The following CHMP3 variants were observed in gnomAD, a reference collection of about 807,000 sequenced individuals.
CHMP3 encodes the protein charged multivesicular body protein 3.
In CHMP3, 8 loss-of-function variants were observed where a neutral mutation model predicts 27.4. The observed-to-expected ratio is 0.29, with a 90% CI of 0.17 to 0.53. The LOEUF (loss-of-function observed/expected upper bound fraction) is 0.53. Ranked by LOEUF, CHMP3 falls within the 20% of genes least tolerant of loss-of-function variation. The pLI is 0.96. For missense variants in CHMP3, 208 were observed against 271.5 expected (o/e 0.77, Z 1.64); for synonymous variants, 86 against 85.5 (o/e 1.01, Z -0.03).
chr2:86,517,269 A>G (rs1428478230), intron 3 of CHMP3, among the ~76,000 whole-genome samples: 15 of 152,176 alleles, frequency 9.9e-5, no homozygotes, highest in Non-Finnish European at 4.4e-5. Context: ...CAAAATAACT[A>G]AAAAATTAGT....
At chr2:86,519,619 T>C (rs1169282951) in intron 3 of CHMP3, among the ~76,000 whole-genome samples, 1 of 152,154 alleles carries the variant, frequency 6.6e-6, no homozygotes, top group African/African-American at 2.4e-5. Context: ...TAAACATTCA[T>C]ACAGTGTAAA....
At chr2:86,563,163 C>T in intron 1 of CHMP3, 141 bp downstream of exon 1, 1 of 989,958 alleles carries the variant, frequency 1.0e-6, no homozygotes, top group Non-Finnish European at 1.5e-6. Flanking sequence ...TCCTCCGGCC[C>T]CCCTGTCGAG....
At chr2:86,527,870 C>T (rs111322435) in intron 3 of CHMP3, among the ~76,000 whole-genome samples, 5,978 of 144,934 alleles carry the variant, frequency 0.041, 173 homozygotes, top group African/African-American at 0.089. Context: ...GTGAGGCGGG[C>T]GAATCGCTTG....
chr2:86,542,130 C>G, intron 2 of CHMP3, 122 bp downstream of exon 2: 1 of 994,388 alleles, frequency 1.0e-6, no homozygotes, highest in Non-Finnish European at 1.5e-6. Context: ...AGTCAGACAG[C>G]TATAAATAAC....
Position 86,531,643 on chromosome 2 carries a change from T to C in CHMP3, c.107-2246A>G, listed in dbSNP as rs1573267045. On this transcript the variant is annotated intron_variant, in intron 2 of 5. Coordinates refer to ENST00000263856, the MANE Select transcript of CHMP3 (RefSeq NM_016079.4). ...GATCCATTTGGGGTTAGTTTCTGTA[T>C]ACATTGTTAGGTAAAGGTCCAACTG... is the stretch of plus-strand genomic sequence containing the variant. Among the ~76,000 whole-genome samples, 3 of 152,348 alleles carry C rather than the reference T, an allele frequency of 2.0e-5. No individual in the cohort carries two copies. In the South Asian group the frequency reaches 6.2e-4, roughly 32 times the overall value.
chr2:86,551,413 C>T (rs965481913), intron 1 of CHMP3, among the ~76,000 whole-genome samples: 18 of 152,050 alleles, frequency 1.2e-4, no homozygotes, highest in East Asian at 3.9e-4. Flanking sequence ...CCTGCCACCA[C>T]GCCCAGCTAC....
intron 3 of CHMP3, 91 bp downstream of exon 3, chr2:86,529,127 A>G: frequency 1.5e-6 from 2 of 1,329,118 alleles, no homozygotes; most frequent in Non-Finnish European, 9.9e-7. Context: ...AATAAAAACC[A>G]GAGTTGAGTT....
intron 2 of CHMP3, chr2:86,541,395 G>A (rs1676354205): frequency 6.6e-6 from 1 of 152,110 alleles, no homozygotes; most frequent in African/African-American, 2.4e-5. Flanking sequence ...CTTTCTCTGA[G>A]TATTTCCATT....
At chr2:86,521,038 A>C (rs954039586) in intron 3 of CHMP3, among the ~76,000 whole-genome samples, 18 of 152,130 alleles carry the variant, frequency 1.2e-4, no homozygotes, top group African/African-American at 4.1e-4. Flanking sequence ...GGTTCTTTAT[A>C]ATTTCCCCCA....
intron 3 of CHMP3, 61 bp downstream of exon 3, chr2:86,529,157 G>A (rs9284788): frequency 0.46 from 661,635 of 1,433,074 alleles, 158,205 homozygotes; most frequent in East Asian, 0.71. Context: ...CAAGGAACCC[G>A]TGTTGATAAT....
chr2:86,559,266 C>T (rs761917507), intron 1 of CHMP3, among the ~76,000 whole-genome samples: 4 of 152,232 alleles, frequency 2.6e-5, no homozygotes, highest in Non-Finnish European at 5.9e-5. Flanking sequence ...GTTCTCTACT[C>T]TCTGGACTCT....
Position 86,536,528 on chromosome 2 carries a change from G to A in CHMP3, c.106+5724C>T, listed in dbSNP as rs528305935. ...CTTTTCTTTCAGTATTGAATCCACT[G>A]CTTTCTGGCCTCTAATGTTTCGGAT... On this transcript the variant is annotated intron_variant, in intron 2 of 5. Coordinates refer to ENST00000263856, the MANE Select transcript of CHMP3 (RefSeq NM_016079.4). 1.0e-3 allele frequency among the ~76,000 whole-genome samples: 152 copies of A among 151,544 alleles called. 2 individuals are homozygous for A. Among genetic ancestry groups the A allele is most frequent in the South Asian group, 3.9e-3 (19 of 4,828 alleles).
intron 2 of CHMP3, among the ~76,000 whole-genome samples, chr2:86,539,779 T>C (rs959155876): frequency 1.3e-5 from 2 of 152,128 alleles, no homozygotes; most frequent in Admixed American, 1.3e-4. Flanking sequence ...AAATAATTTA[T>C]ATTTACTTAC....
chr2:86,562,915 G>A (rs1424897795), intron 1 of CHMP3: 2 of 177,874 alleles, frequency 1.1e-5, no homozygotes, highest in African/African-American at 2.4e-5. Flanking sequence ...CTTCGGGCAG[G>A]AGAAGGTTCT....
At chr2:86,551,223 G>C (rs558376051) in intron 1 of CHMP3, among the ~76,000 whole-genome samples, 2 of 152,146 alleles carry the variant, frequency 1.3e-5, no homozygotes, top group Admixed American at 1.3e-4. Flanking sequence ...TTATTGCTAA[G>C]GGGTATTCTT....
chr2:86,507,579 C>T lies in CHMP3; in HGVS notation c.423G>A (p.Glu141=). ...SKEMMKAGII[E]EMLEDTFESM... ...TTTCAAAAGTGTCCTCTAACATCTCCTCTATGATCCCAGCCTAAACAGAAT... is the reference window on the plus strand; with the variant it reads ...TTTCAAAAGTGTCCTCTAACATCTCTTCTATGATCCCAGCCTAAACAGAAT... The change falls in exon 5 of 6, where the codon GAG becomes GAA. Residue 141 remains glutamate, a synonymous_variant. Coordinates refer to ENST00000263856, the MANE Select transcript of CHMP3 (RefSeq NM_016079.4). 1.2e-6 allele frequency: 2 copies of T among 1,614,088 alleles called. No homozygotes were observed. Among genetic ancestry groups the T allele is most frequent in the Non-Finnish European group, 1.7e-6 (2 of 1,179,944 alleles).
chr2:86,525,734 C>T lies in CHMP3; in HGVS notation c.286+3484G>A, dbSNP rs536893347. ...CAATTATAAGGTAACCCAGAGTATA[C>T]ATATGTTTAATTTTTTAATGATGCC... On this transcript the variant is annotated intron_variant, in intron 3 of 5. Coordinates refer to ENST00000263856, the MANE Select transcript of CHMP3 (RefSeq NM_016079.4). Among the ~76,000 whole-genome samples, 18 of 151,926 alleles carry T rather than the reference C, an allele frequency of 1.2e-4. No individual in the cohort carries two copies. In the South Asian group the frequency reaches 2.9e-3, roughly 25 times the overall value.
intron 1 of CHMP3, among the ~76,000 whole-genome samples, chr2:86,550,741 A>G (rs1676876946): frequency 6.6e-6 from 1 of 152,184 alleles, no homozygotes; most frequent in African/African-American, 2.4e-5. Flanking sequence ...AAAATATTTA[A>G]AAAAACAAAT....
intron 4 of CHMP3, among the ~76,000 whole-genome samples, chr2:86,508,069 G>C (rs1460863307): frequency 6.6e-6 from 1 of 152,030 alleles, no homozygotes; most frequent in Non-Finnish European, 1.5e-5. Context: ...GGCCTGAAGA[G>C]GACTCCAGCT....
Sources: allele counts gnomAD v4.1 joint callset (sites outside exome capture counted in the v4.1 genomes callset), GRCh38; gene constraint gnomAD v4.1.1; transcripts MANE v1.5; gene names NCBI Gene and HGNC (gene_info 2026-07-23, HGNC 2026-07-21).